Variants in AP5Z1 observed in about 807,000 individuals in gnomAD.
AP5Z1 encodes the protein adaptor related protein complex 5 subunit zeta 1, also known as AP-5 complex subunit zeta-1.
A neutral mutation model predicts 83.0 loss-of-function variants in AP5Z1; 106 were observed. The ratio of observed to expected loss-of-function variants is 1.28; its 90% CI spans 1.09 to 1.50. The LOEUF is 1.50. Ranked by LOEUF, AP5Z1 falls within the 40% of genes most tolerant of loss-of-function variation. AP5Z1 has a pLI of 0.00. For missense variants in AP5Z1, 1,565 were observed against 1,094.2 expected (o/e 1.43, Z -6.07); for synonymous variants, 751 against 514.1 (o/e 1.46, Z -6.23).
intron 13 of AP5Z1, 120 bp from the exon 14 acceptor site, chr7:4,789,712 C>A: frequency 1.5e-6 from 1 of 664,240 alleles, no homozygotes; most frequent in Non-Finnish European, 2.5e-6. Flanking sequence ...TTGGGGAAGG[C>A]AGTGGACGAG....
Position 4,787,657 on chromosome 7 carries a change from C to T in AP5Z1, c.1335C>T (p.Pro445=), listed in dbSNP as rs1191872003. 11 of 1,553,428 alleles carry T rather than the reference C, an allele frequency of 7.1e-6. No homozygotes were observed. Among genetic ancestry groups the T allele is most frequent in the East Asian group, 2.4e-5 (1 of 41,184 alleles). The change falls in exon 11 of 17, where the codon CCC becomes CCT. Residue 445 remains proline (P), a synonymous_variant. Coordinates refer to ENST00000649063, the MANE Select transcript of AP5Z1 (RefSeq NM_014855.3). Reference sequence around the variant, plus strand: ...AGTTCCTGGCCTGGAACAGCCCACCCCTCACCTCCGAGTTTGTGGCGCTCC... The same window carrying T: ...AGTTCCTGGCCTGGAACAGCCCACCTCTCACCTCCGAGTTTGTGGCGCTCC... ...LFKFLAWNSP[P]LTSEFVALLP...
chr7:4,778,806 A>G (rs1159950560), intron 1 of AP5Z1, among the ~76,000 whole-genome samples: 3 of 145,950 alleles, frequency 2.1e-5, no homozygotes, highest in African/African-American at 7.5e-5. Flanking sequence ...ATTATATGTT[A>G]TATATTATAT....
rs745882767 is a variant in AP5Z1 at position 4,787,693 on chromosome 7, G to T, written c.1371G>T (p.Leu457=). The T allele has an allele frequency of 1.9e-6, 3 of 1,552,102 alleles. No individual in the cohort carries two copies. The highest frequency in any genetic ancestry group is 2.4e-5 in the South Asian group (2 of 84,196). Residue 457 remains leucine (L), a synonymous_variant, in exon 11 of 17, where the codon CTG becomes CTT. Coordinates refer to ENST00000649063, the MANE Select transcript of AP5Z1 (RefSeq NM_014855.3). ...TSEFVALLPA[L]VDAGTALEML... is the part of the protein sequence containing the mutation. ...AGTTTGTGGCGCTCCTCCCGGCCCT[G>T]GTGGACGCTGGCACAGCCCTGGAGA...
intron 14 of AP5Z1, chr7:4,790,256 G>A: frequency 1.3e-6 from 2 of 1,545,276 alleles, no homozygotes; most frequent in Non-Finnish European, 1.7e-6. Context: ...TCTGAGCCTG[G>A]GCCTGAGGCC....
At chr7:4,789,984 T>TTC in intron 14 of AP5Z1, 55 bp downstream of exon 14, 2 of 1,133,806 alleles carry the variant, frequency 1.8e-6, no homozygotes. Flanking sequence ...CCTGGACTCC[T>TTC]CCCCCTCTCC....
intron 11 of AP5Z1, 50 bp from the exon 12 acceptor site, chr7:4,788,104 T>G: frequency 6.8e-7 from 1 of 1,471,434 alleles, no homozygotes; most frequent in Non-Finnish European, 9.0e-7. Context: ...GGGGTGCCCT[T>G]GAGTGCAGGG....
intron 10 of AP5Z1, 150 bp downstream of exon 10, chr7:4,786,578 G>A: frequency 1.2e-6 from 1 of 864,314 alleles, no homozygotes; most frequent in Non-Finnish European, 1.8e-6. Context: ...GGGTGAGGTG[G>A]GGATCTGGGG....
rs1241913306 is a variant in AP5Z1 at position 4,792,821 on chromosome 7, G to A, written c.*1436G>A. ...GTGCGTGCCAGTGCGCGGGTCTCGG[G>A]ATCACTTCCCAGTGCGGTGCACGAC... On this transcript the variant is annotated 3_prime_UTR_variant, in exon 17 of 17. Transcript: ENST00000649063. The A allele has an allele frequency of 6.6e-6, 1 of 152,358 alleles. No individual in the cohort carries two copies. The highest frequency in any genetic ancestry group is 1.5e-5 in the Non-Finnish European group (1 of 68,120). 9.4% of individuals were successfully genotyped at this position (152,358 alleles called of 1,614,324 possible). A position where few individuals can be genotyped will look rare whatever the true frequency, so the allele number is the denominator to read the frequency against.
chr7:4,789,965 C>G (rs1307341342), intron 14 of AP5Z1, 36 bp downstream of exon 14: 1 of 1,480,662 alleles, frequency 6.8e-7, no homozygotes, highest in Non-Finnish European at 9.0e-7. Flanking sequence ...CAGCCCTGGG[C>G]GGGTGCCTCC....
chr7:4,787,226 C>T (rs1166251183), intron 10 of AP5Z1, among the ~76,000 whole-genome samples: 1 of 152,070 alleles, frequency 6.6e-6, no homozygotes, highest in East Asian at 1.9e-4. Flanking sequence ...GGGGCAGTGG[C>T]TCACACCTGT....
chr7:4,778,386 C>T (rs1781280412), intron 1 of AP5Z1, among the ~76,000 whole-genome samples: 1 of 152,140 alleles, frequency 6.6e-6, no homozygotes, highest in African/African-American at 2.4e-5. Context: ...TGGAGGGGTG[C>T]CCCGCAAGGT....
chr7:4,784,899 C>T lies in AP5Z1; in HGVS notation c.791-9C>T. On this transcript the variant is annotated splice_polypyrimidine_tract_variant and intron_variant, in intron 6 of 16. Transcript: ENST00000649063. Reference sequence around the variant, plus strand: ...ACGTCAGCCTGCTGAGAGTTCCCACCTCCCGCAGATGACAGGTCAGAGCAG... The same window carrying T: ...ACGTCAGCCTGCTGAGAGTTCCCACTTCCCGCAGATGACAGGTCAGAGCAG... 1 of 1,606,064 alleles carries T rather than the reference C, an allele frequency of 6.2e-7. No homozygotes were observed. Among genetic ancestry groups the T allele is most frequent in the Non-Finnish European group, 8.5e-7 (1 of 1,175,106 alleles).
At position 4,781,750 on chromosome 7, in the gene AP5Z1, C is replaced by T. The variant is rs750649378; in HGVS notation, c.362C>T (p.Ala121Val). 9 of 1,561,674 alleles carry T rather than the reference C, an allele frequency of 5.8e-6. No individual in the cohort carries two copies. In the African/African-American group the frequency reaches 9.4e-5, roughly 16 times the overall value. The change falls in exon 3 of 17, where the codon GCC becomes GTC. Residue 121 changes from alanine (A) to valine (V), a missense_variant. Coordinates refer to ENST00000649063, the MANE Select transcript of AP5Z1 (RefSeq NM_014855.3). Reference protein sequence around the residue: ...QLSLVASVLLAQGDRNEEVRA... With the variant: ...QLSLVASVLLVQGDRNEEVRA... ...AGCCTGGTGGCCTCCGTTCTCTTGG[C>T]CCAGGTAGCGCAGCAGTCACCACCC...
At chr7:4,783,015 G>C (rs1307390211) in intron 3 of AP5Z1, among the ~76,000 whole-genome samples, 2 of 152,236 alleles carry the variant, frequency 1.3e-5, no homozygotes, top group South Asian at 4.1e-4. Context: ...GCAGGACGGG[G>C]TGTCCTGTGT....
intron 13 of AP5Z1, among the ~76,000 whole-genome samples, chr7:4,789,593 G>A (rs1400591419): frequency 6.6e-6 from 1 of 152,226 alleles, no homozygotes; most frequent in Non-Finnish European, 1.5e-5. Context: ...GGAGTTGGCA[G>A]AGGAGCCGTG....
rs369362897 is a variant in AP5Z1, at chr7:4,789,396, C to T, written c.1708-436C>T. Among the ~76,000 whole-genome samples the T allele has an allele frequency of 1.1e-4, 17 of 152,224 alleles. No individual in the cohort carries two copies. In the East Asian group the frequency reaches 2.1e-3, roughly 19 times the overall value. On this transcript the variant is annotated intron_variant, in intron 13 of 16. Transcript: ENST00000649063. ...GCTGCCCCTGATAATTCAGCATCCC[C>T]ATCTGAGGCCAAAATAAAGGCTCCC... is the stretch of plus-strand genomic sequence containing the variant.
chr7:4,776,037 T>C (rs907755884), intron 1 of AP5Z1, among the ~76,000 whole-genome samples: 1 of 152,044 alleles, frequency 6.6e-6, no homozygotes, highest in Non-Finnish European at 1.5e-5. Flanking sequence ...AGTCAAAGGC[T>C]TGGCGGTGAG....
At chr7:4,777,631 C>T (rs914057431) in intron 1 of AP5Z1, among the ~76,000 whole-genome samples, 3 of 152,136 alleles carry the variant, frequency 2.0e-5, no homozygotes, top group African/African-American at 4.8e-5. Flanking sequence ...TCAGGTGATC[C>T]GCCTGACTCG....
In AP5Z1 at chr7:4,785,460, G is replaced by T. The variant is rs1355852216; in HGVS notation, c.969+8G>T. ...TCCGACCTGCAGAAAGCTGTAAGTGGCTGGGGACCAGGGGATGGGAGGCAG... is the reference window on the plus strand; with the variant it reads ...TCCGACCTGCAGAAAGCTGTAAGTGTCTGGGGACCAGGGGATGGGAGGCAG... On this transcript the variant is annotated splice_region_variant and intron_variant, in intron 8 of 16. Coordinates refer to ENST00000649063, the MANE Select transcript of AP5Z1 (RefSeq NM_014855.3). 2 of 1,613,220 alleles carry T rather than the reference G, an allele frequency of 1.2e-6. No homozygotes were observed. The highest frequency in any genetic ancestry group is 4.5e-5 in the East Asian group (2 of 44,872).
Sources: allele counts gnomAD v4.1 joint callset (sites outside exome capture counted in the v4.1 genomes callset), GRCh38; gene constraint gnomAD v4.1.1; transcripts MANE v1.5; gene names NCBI Gene and HGNC (gene_info 2026-07-23, HGNC 2026-07-21).